ROBO1: variants seen among roughly 807,000 people sequenced by gnomAD.
The protein encoded by ROBO1 is roundabout guidance receptor 1, also known as roundabout homolog 1.
In ROBO1, 149 loss-of-function variants were observed where a neutral mutation model predicts 195.9. The ratio of observed to expected loss-of-function variants is 0.76; its 90% CI spans 0.67 to 0.87. The LOEUF (loss-of-function observed/expected upper bound fraction) is 0.87. Ranked by LOEUF, ROBO1 falls within the 40% of genes least tolerant of loss-of-function variation. ROBO1 has a pLI of 0.00. For synonymous variants in ROBO1, 816 were observed against 733.2 expected, an observed-to-expected ratio of 1.11 and a Z score of -1.82; for missense variants, 1,933 against 2,068.3, an observed-to-expected ratio of 0.93 and a Z score of 1.27.
At chr3:78,697,413 G>A (rs2081325122) in intron 8 of ROBO1, among the ~76,000 whole-genome samples, 1 of 152,094 alleles carries the variant, frequency 6.6e-6, no homozygotes, top group Admixed American at 6.6e-5. Flanking sequence ...TTCATCTAAA[G>A]AAAATAAGTT....
chr3:79,051,980 T>A (rs572051539), intron 3 of ROBO1, among the ~76,000 whole-genome samples: 1 of 152,078 alleles, frequency 6.6e-6, no homozygotes, highest in Non-Finnish European at 1.5e-5. Context: ...AAATTGTTTG[T>A]AAAACATATG....
intron 27 of ROBO1, among the ~76,000 whole-genome samples, chr3:78,616,498 TATAG>T (rs1202855366): frequency 6.6e-6 from 1 of 152,130 alleles, no homozygotes; most frequent in African/African-American, 2.4e-5. Context: ...ATAAATAATA[TATAG>T]AGATGACTTT....
intron 2 of ROBO1, among the ~76,000 whole-genome samples, chr3:79,177,063 T>C (rs1023816118): frequency 6.6e-6 from 1 of 152,240 alleles, no homozygotes; most frequent in Admixed American, 6.5e-5. Context: ...TTTTATAGAA[T>C]TCTGATTTTC....
intron 4 of ROBO1, among the ~76,000 whole-genome samples, chr3:78,803,823 G>T: frequency 6.6e-6 from 1 of 152,040 alleles, no homozygotes; most frequent in Non-Finnish European, 1.5e-5. Flanking sequence ...GAAGAAGGAG[G>T]TTATTGGGTC....
chr3:78,618,064 G>A (rs1332197192), intron 26 of ROBO1, 23 bp from the exon 27 acceptor site: 3 of 1,576,736 alleles, frequency 1.9e-6, no homozygotes, highest in African/African-American at 2.7e-5. Context: ...GAATAAATAG[G>A]TCTGGCTCAG....
At chr3:78,765,666 T>C (rs1196208143) in intron 4 of ROBO1, among the ~76,000 whole-genome samples, 1 of 152,184 alleles carries the variant, frequency 6.6e-6, no homozygotes, top group Non-Finnish European at 1.5e-5. Context: ...TTCAAAATGC[T>C]GTGTACTGTA....
intron 3 of ROBO1, among the ~76,000 whole-genome samples, chr3:79,118,498 T>C (rs1052282294): frequency 6.6e-6 from 1 of 152,162 alleles, no homozygotes; most frequent in Admixed American, 6.6e-5. Context: ...TGAACACCTG[T>C]ATATTTTATG....
At chr3:79,074,338 T>G (rs6548613) in intron 3 of ROBO1, among the ~76,000 whole-genome samples, 152,053 of 152,062 alleles carry the variant, frequency 1, 76,022 homozygotes, top group Non-Finnish European at 1. Context: ...TAGAGAAGTT[T>G]ATTTTATATC....
At chr3:79,017,162 C>A (rs2077964189) in intron 3 of ROBO1, among the ~76,000 whole-genome samples, 1 of 152,100 alleles carries the variant, frequency 6.6e-6, no homozygotes, top group Non-Finnish European at 1.5e-5. Flanking sequence ...GCAAATCTTC[C>A]TTGTAACTTT....
chr3:79,447,680 G>A (rs1006075486), intron 2 of ROBO1, among the ~76,000 whole-genome samples: 3 of 151,352 alleles, frequency 2.0e-5, no homozygotes, highest in African/African-American at 7.4e-5. Flanking sequence ...TATAAAAAGT[G>A]TCAAAACTAG....
At chr3:78,615,847 C>T (rs1333236791) in intron 27 of ROBO1, among the ~76,000 whole-genome samples, 1 of 152,146 alleles carries the variant, frequency 6.6e-6, no homozygotes, top group Non-Finnish European at 1.5e-5. Flanking sequence ...ATTGGATATT[C>T]ATATTAACTT....
chr3:79,595,310 A>G (rs1560023581), intron 1 of ROBO1, among the ~76,000 whole-genome samples: 2 of 152,018 alleles, frequency 1.3e-5, no homozygotes, highest in Non-Finnish European at 2.9e-5. Context: ...TTTCATATAT[A>G]ATTAATTTAG....
chr3:79,766,700 C>G (rs1441232418), intron 1 of ROBO1, among the ~76,000 whole-genome samples: 2 of 152,104 alleles, frequency 1.3e-5, no homozygotes, highest in African/African-American at 4.8e-5. Context: ...GACCCAGCCG[C>G]GCGCGCAGCC....
At chr3:79,070,054 C>A (rs546117522) in intron 3 of ROBO1, among the ~76,000 whole-genome samples, 2 of 151,556 alleles carry the variant, frequency 1.3e-5, no homozygotes, top group South Asian at 2.1e-4. Context: ...ATTCTTATTT[C>A]TGTTTATTTA....
chr3:79,490,676 C>G (rs1939404926), intron 2 of ROBO1, among the ~76,000 whole-genome samples: 1 of 152,206 alleles, frequency 6.6e-6, no homozygotes, highest in African/African-American at 2.4e-5. Flanking sequence ...AAGTTGCCTT[C>G]CCTGCAGCTG....
At chr3:79,560,438 C>T (rs1025055074) in intron 2 of ROBO1, among the ~76,000 whole-genome samples, 4 of 147,696 alleles carry the variant, frequency 2.7e-5, no homozygotes, top group Admixed American at 6.8e-5. Flanking sequence ...TGCTAAATGA[C>T]GAGTTAATGG....
intron 2 of ROBO1, among the ~76,000 whole-genome samples, chr3:79,365,711 C>G (rs1020706741): frequency 6.6e-6 from 1 of 151,998 alleles, no homozygotes; most frequent in Non-Finnish European, 1.5e-5. Context: ...TCCTGGCTAA[C>G]ACGGTGAAAC....
chr3:78,993,686 T>G (rs1474693112), intron 3 of ROBO1, among the ~76,000 whole-genome samples: 1 of 152,128 alleles, frequency 6.6e-6, no homozygotes, highest in Non-Finnish European at 1.5e-5. Flanking sequence ...TTTTGAAGGA[T>G]CCATTGGCCC....
At chr3:79,594,053 A>C (rs1944088087) in intron 1 of ROBO1, among the ~76,000 whole-genome samples, 1 of 151,958 alleles carries the variant, frequency 6.6e-6, no homozygotes, top group African/African-American at 2.4e-5. Context: ...AGAAATTTTC[A>C]ATTTTAATGA....
Sources: allele counts gnomAD v4.1 joint callset (sites outside exome capture counted in the v4.1 genomes callset), GRCh38; gene constraint gnomAD v4.1.1; transcripts MANE v1.5; gene names NCBI Gene and HGNC (gene_info 2026-07-23, HGNC 2026-07-21).